USP32: variants seen among roughly 807,000 people sequenced by gnomAD.
USP32 encodes ubiquitin specific peptidase 32, also known as ubiquitin carboxyl-terminal hydrolase 32.
A neutral mutation model predicts 204.8 loss-of-function variants in USP32; 59 were observed. That is an observed-to-expected ratio of 0.29 (90% CI 0.23 to 0.36). The LOEUF is 0.36. Among genes scored for constraint, USP32 ranks in the 10% least tolerant of loss-of-function variants. The pLI is 1.00. For missense variants in USP32, 1,160 were observed against 1,946.4 expected, an observed-to-expected ratio of 0.60 and a Z score of 7.60; for synonymous variants, 517 against 678.4, an observed-to-expected ratio of 0.76 and a Z score of 3.70.
intron 1 of USP32, among the ~76,000 whole-genome samples, chr17:60,414,751 T>C (rs2143103054): frequency 6.6e-6 from 1 of 152,274 alleles, no homozygotes; most frequent in African/African-American, 2.4e-5. Flanking sequence ...AAACTACTAT[T>C]GCCTTCTTGT....
intron 12 of USP32, among the ~76,000 whole-genome samples, chr17:60,229,196 T>C (rs138520671): frequency 2.1e-4 from 32 of 152,218 alleles, no homozygotes; most frequent in African/African-American, 7.5e-4. Flanking sequence ...TGCATCACCA[T>C]GCCCAACTAA....
intron 1 of USP32, among the ~76,000 whole-genome samples, chr17:60,420,515 A>C (rs1034195385): frequency 7.2e-5 from 11 of 151,796 alleles, no homozygotes; most frequent in African/African-American, 2.7e-4. Flanking sequence ...TAAAAATACA[A>C]AATTAGCCAG....
At chr17:60,321,049 A>C (rs1054423932) in intron 2 of USP32, among the ~76,000 whole-genome samples, 3 of 152,008 alleles carry the variant, frequency 2.0e-5, no homozygotes, top group East Asian at 3.9e-4. Context: ...ATAACTAAAA[A>C]CCCTAACTCT....
At chr17:60,375,564 CTCTT>C (rs2089523712) in intron 1 of USP32, among the ~76,000 whole-genome samples, 1 of 152,116 alleles carries the variant, frequency 6.6e-6, no homozygotes, top group Non-Finnish European at 1.5e-5. Flanking sequence ...ACTAAATTAT[CTCTT>C]AACACTATTT....
intron 12 of USP32, among the ~76,000 whole-genome samples, chr17:60,235,764 T>A (rs1246591392): frequency 6.6e-6 from 1 of 152,238 alleles, no homozygotes; most frequent in African/African-American, 2.4e-5. Flanking sequence ...TCCACCCTGA[T>A]CATGACATTC....
At chr17:60,204,466 CTT>C (rs748141290) in intron 26 of USP32, among the ~76,000 whole-genome samples, 31 of 129,384 alleles carry the variant, frequency 2.4e-4, no homozygotes, top group African/African-American at 3.7e-4. Context: ...TTAGGAGATA[CTT>C]TTTTTTTTTT....
At chr17:60,387,403 C>T (rs901748241) in intron 1 of USP32, among the ~76,000 whole-genome samples, 1 of 152,142 alleles carries the variant, frequency 6.6e-6, no homozygotes, top group African/African-American at 2.4e-5. Flanking sequence ...AATTATTGAG[C>T]ATATACTATA....
chr17:60,306,886 A>G (rs1430480684), intron 2 of USP32, among the ~76,000 whole-genome samples: 1 of 152,228 alleles, frequency 6.6e-6, no homozygotes. Context: ...ATACATCAAC[A>G]GTAAACAATC....
chr17:60,294,044 T>C (rs916567450), intron 4 of USP32, among the ~76,000 whole-genome samples: 2 of 152,242 alleles, frequency 1.3e-5, no homozygotes, highest in South Asian at 2.1e-4. Flanking sequence ...AATGAAAATA[T>C]ATTATTTTTG....
chr17:60,221,587 A>C (rs187186625), intron 15 of USP32, among the ~76,000 whole-genome samples: 3 of 151,564 alleles, frequency 2.0e-5, no homozygotes, highest in Admixed American at 2.0e-4. Context: ...GCTCACTGCA[A>C]CCTCTGCCTC....
At chr17:60,198,771 T>G (rs1310587540) in intron 26 of USP32, among the ~76,000 whole-genome samples, 7 of 152,210 alleles carry the variant, frequency 4.6e-5, no homozygotes, top group Admixed American at 4.6e-4. Flanking sequence ...TAGTAATAGC[T>G]TCATAGCTAA....
chr17:60,402,508 A>G (rs141274536), intron 1 of USP32, among the ~76,000 whole-genome samples: 1 of 152,140 alleles, frequency 6.6e-6, no homozygotes, highest in Non-Finnish European at 1.5e-5. Context: ...TTGGCCTCCC[A>G]AAGTGCTGGG....
Position 60,269,346 on chromosome 17 carries a change from G to T in USP32, c.811+104C>A, listed in dbSNP as rs930101157. The stretch of plus-strand genomic sequence containing the variant: ...GATTAATATTTGTTAATCTGACAAA[G>T]TTATAAAAATTCAAGCCTTAATCCA... On this transcript the variant is annotated intron_variant, in intron 7 of 33. Transcript: ENST00000300896. 8.4e-6 allele frequency: 7 copies of T among 831,016 alleles called. No homozygotes were observed. The Admixed American group carries it at 9.0e-5, about 11-fold the overall frequency. 51.5% of individuals were successfully genotyped at this position (831,016 alleles called of 1,614,324 possible). A position where few individuals can be genotyped will look rare whatever the true frequency, so the allele number is the denominator to read the frequency against.
chr17:60,206,803 A>G (rs1288092344), intron 25 of USP32, among the ~76,000 whole-genome samples: 2 of 152,200 alleles, frequency 1.3e-5, no homozygotes, highest in African/African-American at 4.8e-5. Flanking sequence ...TTCCAAGGGT[A>G]TATTAGCTAA....
intron 1 of USP32, among the ~76,000 whole-genome samples, chr17:60,386,046 GAAAC>G (rs1041224152): frequency 1.6e-4 from 24 of 151,548 alleles, no homozygotes; most frequent in African/African-American, 4.6e-4. Flanking sequence ...CAACACAAAA[GAAAC>G]AAACGGAAAG....
At chr17:60,297,814 G>C (rs1466912172) in intron 3 of USP32, among the ~76,000 whole-genome samples, 1 of 152,086 alleles carries the variant, frequency 6.6e-6, no homozygotes, top group Non-Finnish European at 1.5e-5. Context: ...ATAAGCACTG[G>C]CCTTGAGATA....
Position 60,211,447 on chromosome 17 carries a change from G to A in USP32, c.2247C>T (p.Ile749=), listed in dbSNP as rs1407573866. 1 of 1,613,836 alleles carries A rather than the reference G, an allele frequency of 6.2e-7. No individual in the cohort carries two copies. The highest frequency in any genetic ancestry group is 1.7e-5 in the Admixed American group (1 of 59,982). Residue 749 remains isoleucine (I), a synonymous_variant, in exon 20 of 34, where the codon ATC becomes ATT. Transcript: ENST00000300896. ...LGNTCFMNSS[I]QCVSNTQPLT... The stretch of plus-strand genomic sequence containing the variant: ...GTGGCTGTGTGTTACTAACACACTG[G>A]ATGCTTGAGTTCATGAAGCATGTGT...
intron 9 of USP32, among the ~76,000 whole-genome samples, chr17:60,264,741 T>G (rs73324937): frequency 0.044 from 6,699 of 150,586 alleles, 530 homozygotes; most frequent in African/African-American, 0.16. Flanking sequence ...ACACCTGCAG[T>G]CCCAGCTACT....
At chr17:60,206,384 A>C (rs551868086) in intron 25 of USP32, among the ~76,000 whole-genome samples, 1 of 146,086 alleles carries the variant, frequency 6.8e-6, no homozygotes, top group Non-Finnish European at 1.5e-5. Flanking sequence ...ACCACATCTC[A>C]AGCGCTTAAC....
Sources: allele counts gnomAD v4.1 joint callset (sites outside exome capture counted in the v4.1 genomes callset), GRCh38; gene constraint gnomAD v4.1.1; transcripts MANE v1.5; gene names NCBI Gene and HGNC (gene_info 2026-07-23, HGNC 2026-07-21).